The following EPHA6 variants were observed in gnomAD, a reference collection of about 807,000 sequenced individuals.
EPHA6 encodes the protein ephrin type-A receptor 6.
EPHA6 carries 50 observed loss-of-function variants against 112.0 expected under a neutral mutation model. That is an observed-to-expected ratio of 0.45 (90% CI 0.36 to 0.56). The LOEUF is 0.56. Ranked by LOEUF, EPHA6 falls within the 20% of genes least tolerant of loss-of-function variation. The pLI is 0.00. For missense variants in EPHA6, 1,280 were observed against 1,417.4 expected (o/e 0.90, Z 1.56); for synonymous variants, 529 against 490.7 (o/e 1.08, Z -1.03).
chr3:97,303,813 G>A (rs1196491449), intron 5 of EPHA6, among the ~76,000 whole-genome samples: 1 of 151,804 alleles, frequency 6.6e-6, no homozygotes, highest in Non-Finnish European at 1.5e-5. Flanking sequence ...AATAAATCAA[G>A]GTTTAAAATT....
intron 10 of EPHA6, among the ~76,000 whole-genome samples, chr3:97,498,147 C>T (rs1215708252): frequency 6.6e-6 from 1 of 152,062 alleles, no homozygotes; most frequent in Non-Finnish European, 1.5e-5. Context: ...TCACTATGCT[C>T]TTGATGTATT....
chr3:97,460,974 A>G (rs2090869081), intron 7 of EPHA6, among the ~76,000 whole-genome samples: 1 of 152,118 alleles, frequency 6.6e-6, no homozygotes, highest in Non-Finnish European at 1.5e-5. Context: ...GTGCAGAGTA[A>G]AGCTGAGAAG....
rs1438776636 is a variant in EPHA6 at position 97,445,742 on chromosome 3, A to C, written c.1732-2826A>C. The stretch of plus-strand genomic sequence containing the variant: ...GGGGAAAAAGCCAAAAATGTGTTCA[A>C]ACCTCTGGAAAGCTTGATCATGAAA... On this transcript the variant is annotated intron_variant, in intron 6 of 17. Coordinates refer to ENST00000389672, the MANE Select transcript of EPHA6 (RefSeq NM_001080448.3). Among the ~76,000 whole-genome samples, 3 of 151,986 alleles carry C rather than the reference A, an allele frequency of 2.0e-5. No individual in the cohort carries two copies. In the East Asian group the frequency reaches 5.8e-4, roughly 29 times the overall value.
At chr3:97,003,305 G>T (rs1333363927) in intron 3 of EPHA6, among the ~76,000 whole-genome samples, 1 of 151,836 alleles carries the variant, frequency 6.6e-6, no homozygotes, top group African/African-American at 2.4e-5. Context: ...ATGGGGTTTT[G>T]CCATATTGGC....
intron 6 of EPHA6, among the ~76,000 whole-genome samples, chr3:97,407,027 T>C (rs1235243301): frequency 6.6e-6 from 1 of 152,196 alleles, no homozygotes; most frequent in African/African-American, 2.4e-5. Flanking sequence ...GGTTATATTT[T>C]ACACATAGAA....
intron 3 of EPHA6, among the ~76,000 whole-genome samples, chr3:97,086,461 A>T (rs1043061746): frequency 4.6e-5 from 7 of 152,068 alleles, no homozygotes; most frequent in Non-Finnish European, 1.0e-4. Flanking sequence ...AGAAATATTA[A>T]ATATATTTCA....
intron 6 of EPHA6, among the ~76,000 whole-genome samples, chr3:97,428,107 A>G (rs1004557436): frequency 2.0e-5 from 3 of 152,224 alleles, no homozygotes; most frequent in Non-Finnish European, 4.4e-5. Context: ...AAATGAATGA[A>G]CAGTTGGTAT....
intron 11 of EPHA6, among the ~76,000 whole-genome samples, chr3:97,556,299 T>C (rs1056333844): frequency 6.6e-6 from 1 of 152,048 alleles, no homozygotes; most frequent in East Asian, 1.9e-4. Context: ...ATGACTGTCA[T>C]TTTCAAGTAT....
chr3:96,954,166 A>G (rs1306685966), intron 2 of EPHA6, among the ~76,000 whole-genome samples: 1 of 151,940 alleles, frequency 6.6e-6, no homozygotes, highest in African/African-American at 2.4e-5. Context: ...GAGCCACCAC[A>G]CCCAGCCTTC....
rs187312735 is a variant in EPHA6 at position 97,038,314 on chromosome 3, C to G, written c.1114+50321C>G. Reference sequence around the variant, plus strand: ...TCAATCCCTCTTCATCCTTTCCCCCCCCATGCTTCCTGGACTGTGGTAACC... The same window carrying G: ...TCAATCCCTCTTCATCCTTTCCCCCGCCATGCTTCCTGGACTGTGGTAACC... On this transcript the variant is annotated intron_variant, in intron 3 of 17. Transcript: ENST00000389672. Among the ~76,000 whole-genome samples, 46 of 152,038 alleles carry G rather than the reference C, an allele frequency of 3.0e-4. No individual in the cohort carries two copies. The East Asian group carries it at 5.1e-3, about 17-fold the overall frequency.
rs138018747 is a variant in EPHA6 at position 97,506,159 on chromosome 3, T to C, written c.2200+22100T>C. On this transcript the variant is annotated intron_variant, in intron 10 of 17. Transcript: ENST00000389672. ...GCCTGTTCACTCTGATGATAGTTTC[T>C]TTGCTGTGCACACACTCTTTAGTTT... 6.5e-3 allele frequency among the ~76,000 whole-genome samples: 990 copies of C among 152,252 alleles called. 12 individuals carry two copies. The highest frequency in any genetic ancestry group is 0.022 in the African/African-American group (910 of 41,530).
intron 5 of EPHA6, among the ~76,000 whole-genome samples, chr3:97,303,218 C>A (rs1036049805): frequency 7.2e-5 from 11 of 151,786 alleles, no homozygotes; most frequent in African/African-American, 2.7e-4. Context: ...AGTCTTAATG[C>A]AATCTTAATC....
intron 10 of EPHA6, among the ~76,000 whole-genome samples, chr3:97,486,460 A>C (rs529253644): frequency 6.6e-6 from 1 of 152,320 alleles, no homozygotes; most frequent in East Asian, 1.9e-4. Flanking sequence ...GGGGTAGTTT[A>C]TAATGAACAG....
rs1559722629 is a variant in EPHA6, at chr3:97,092,100, A to ATTTT, written c.1114+104107_1114+104108insTTTT. 3.6e-3 allele frequency among the ~76,000 whole-genome samples: 541 copies of ATTTT among 149,344 alleles called. 4 individuals carry two copies. The highest frequency in any genetic ancestry group is 0.011 in the African/African-American group (436 of 40,142). On this transcript the variant is annotated intron_variant, in intron 3 of 17. Transcript: ENST00000389672. ...TGGTTAACAAGGTTTTTTTTTTTAA[A>ATTTT]AAAAAAAAGCAAAAAATTAACATAT... is the stretch of plus-strand genomic sequence containing the variant.
chr3:96,929,030 T>C (rs1374709769), intron 2 of EPHA6, among the ~76,000 whole-genome samples: 3 of 152,174 alleles, frequency 2.0e-5, no homozygotes, highest in Non-Finnish European at 4.4e-5. Flanking sequence ...GAGATGAGTC[T>C]CTTGAAGACA....
chr3:96,831,368 G>C (rs773172909), intron 1 of EPHA6, among the ~76,000 whole-genome samples: 2 of 151,968 alleles, frequency 1.3e-5, no homozygotes, highest in South Asian at 4.1e-4. Flanking sequence ...CCTCCTCCAC[G>C]TGGGCTACTT....
chr3:97,715,088 T>A (rs183915119), intron 14 of EPHA6, among the ~76,000 whole-genome samples: 1 of 152,252 alleles, frequency 6.6e-6, no homozygotes, highest in African/African-American at 2.4e-5. Context: ...ACTGTAACCA[T>A]GAATTATTGG....
chr3:97,184,620 G>A (rs536801881), intron 3 of EPHA6, among the ~76,000 whole-genome samples: 45 of 152,184 alleles, frequency 3.0e-4, no homozygotes, highest in Admixed American at 2.2e-3. Flanking sequence ...AATCAATATC[G>A]TGAACATGGC....
intron 4 of EPHA6, among the ~76,000 whole-genome samples, chr3:97,240,219 T>TA (rs2078803789): frequency 6.6e-6 from 1 of 151,918 alleles, no homozygotes; most frequent in African/African-American, 2.4e-5. Context: ...TATTCACTGA[T>TA]ACGTAAAAGC....
Sources: gnomAD v4.1 joint callset for allele counts (sites outside exome capture counted in the v4.1 genomes callset) on GRCh38, gnomAD v4.1.1 for gene constraint, MANE v1.5 for transcripts, NCBI Gene and HGNC (gene_info 2026-07-23, HGNC 2026-07-21) for gene names.